RAP1GAP2: variants seen among roughly 807,000 people sequenced by gnomAD.
The protein encoded by RAP1GAP2 is rap1 GTPase-activating protein 2.
A neutral mutation model predicts 95.0 loss-of-function variants in RAP1GAP2; 27 were observed. That is an observed-to-expected ratio of 0.28 (90% CI 0.21 to 0.39). The LOEUF (loss-of-function observed/expected upper bound fraction) is 0.39. RAP1GAP2 is among the 10% of genes least tolerant of loss of function. The probability of loss-of-function intolerance (pLI) is 1.00; values close to 1 mark genes in which losing one functional copy is unlikely to be tolerated. For missense variants in RAP1GAP2, 771 were observed against 970.0 expected (o/e 0.79, Z 2.72); for synonymous variants, 373 against 380.9 (o/e 0.98, Z 0.24).
chr17:2,980,323 G>C lies in RAP1GAP2; in HGVS notation c.633G>C (p.Leu211Phe), dbSNP rs764061946. 1 of 1,613,886 alleles carries C rather than the reference G, an allele frequency of 6.2e-7. No homozygotes were observed. The highest frequency in any genetic ancestry group is 1.1e-5 in the South Asian group (1 of 91,086). ...AGACGGTACATGAGCGGATCCCCTTGGCTGGACTGAGCAAGCTTCCCAGTG... is the reference window on the plus strand; with the variant it reads ...AGACGGTACATGAGCGGATCCCCTTCGCTGGACTGAGCAAGCTTCCCAGTG... ...KLKTVHERIP[L>F]AGLSKLPSVP... Residue 211 changes from leucine (L) to phenylalanine (F), a missense_variant, in exon 9 of 25, where the codon TTG (leucine) becomes TTC (phenylalanine). Leu to Phe is a conservative substitution (Grantham distance 22, BLOSUM62 0). Transcript: ENST00000254695.
rs1473889673 is a variant in RAP1GAP2, at chr17:3,027,531, C to T, written c.2107+461C>T. Among the ~76,000 whole-genome samples the T allele has an allele frequency of 1.3e-5, 2 of 151,992 alleles. No individual in the cohort carries two copies. Among genetic ancestry groups the T allele is most frequent in the Admixed American group, 6.5e-5 (1 of 15,268 alleles). On this transcript the variant is annotated intron_variant, in intron 22 of 24. Transcript: ENST00000254695. The surrounding 1 kb of genome is among the most constrained non-coding windows in gnomAD (Gnocchi z 5.2). ...GAAAGGCCCAGAGGAGAGGAGAGAGCGGGTATTCCGGAACTGCACGTGTTC... is the reference window on the plus strand; with the variant it reads ...GAAAGGCCCAGAGGAGAGGAGAGAGTGGGTATTCCGGAACTGCACGTGTTC...
At chr17:3,012,355 C>A (rs1597870635) in intron 17 of RAP1GAP2, among the ~76,000 whole-genome samples, 1 of 151,790 alleles carries the variant, frequency 6.6e-6, no homozygotes, top group Admixed American at 6.6e-5. Flanking sequence ...CGGTGGCTCA[C>A]GTCTGTAATC....
chr17:2,891,034 A>G (rs1216726461), intron 2 of RAP1GAP2, among the ~76,000 whole-genome samples: 1 of 151,998 alleles, frequency 6.6e-6, no homozygotes, highest in African/African-American at 2.4e-5. Context: ...GTTATGTGAG[A>G]GGGTACCATA....
At chr17:2,813,911 C>G (rs1008428471) in intron 2 of RAP1GAP2, among the ~76,000 whole-genome samples, 1 of 151,762 alleles carries the variant, frequency 6.6e-6, no homozygotes, top group Admixed American at 6.6e-5. Flanking sequence ...TGCAGTGAGC[C>G]GAGATCGCAC....
At chr17:2,886,876 G>C (rs7406606) in intron 2 of RAP1GAP2, among the ~76,000 whole-genome samples, 45,588 of 152,050 alleles carry the variant, frequency 0.3, 7,709 homozygotes, top group Admixed American at 0.43. Flanking sequence ...AATCCCAGCT[G>C]TGCCACTTAC....
intron 3 of RAP1GAP2, among the ~76,000 whole-genome samples, chr17:2,915,603 C>A (rs935809527): frequency 2.3e-4 from 35 of 152,216 alleles, no homozygotes; most frequent in African/African-American, 8.4e-4. Flanking sequence ...ATTATGGACT[C>A]TTTCCTTTTA....
At chr17:2,883,580 T>C (rs182144390) in intron 2 of RAP1GAP2, among the ~76,000 whole-genome samples, 329 of 152,302 alleles carry the variant, frequency 2.2e-3, no homozygotes, top group African/African-American at 7.1e-3. Context: ...CCTCTCCTGT[T>C]TTCTTTTTTT....
At position 2,904,625 on chromosome 17, in the gene RAP1GAP2, C is replaced by T. The variant is rs955118470; in HGVS notation, c.81-659C>T. ...CCGCGTTTCTCCCCTCCTCTTCTCA[C>T]ACCCAGCCCCAGTCCTGGATCTCTT... On this transcript the variant is annotated intron_variant, in intron 2 of 24. Transcript: ENST00000254695. This position sits in a 1 kb window ranked among gnomAD's most constrained non-coding sequence, Gnocchi z 4.7. Among the ~76,000 whole-genome samples the T allele has an allele frequency of 6.7e-6, 1 of 149,534 alleles. No homozygotes were observed. The highest frequency in any genetic ancestry group is 1.5e-5 in the Non-Finnish European group (1 of 67,344).
intron 2 of RAP1GAP2, among the ~76,000 whole-genome samples, chr17:2,889,863 G>A (rs1439253693): frequency 5.0e-5 from 4 of 79,846 alleles, no homozygotes; most frequent in Admixed American, 1.7e-4. Flanking sequence ...TTATGTGTGT[G>A]TATATATATA....
chr17:2,894,984 C>T (rs540929597), intron 2 of RAP1GAP2, among the ~76,000 whole-genome samples: 14 of 152,204 alleles, frequency 9.2e-5, no homozygotes, highest in African/African-American at 3.1e-4. Flanking sequence ...CTTCCTTTGC[C>T]CTCGAGAGAG....
chr17:2,878,162 G>A (rs942993192), intron 2 of RAP1GAP2, among the ~76,000 whole-genome samples: 3 of 152,144 alleles, frequency 2.0e-5, no homozygotes, highest in Non-Finnish European at 2.9e-5. Context: ...TGCCGGCCGG[G>A]GACACACTTA....
At chr17:2,801,636 T>TGC (rs1364342657) in intron 2 of RAP1GAP2, among the ~76,000 whole-genome samples, 9 of 117,420 alleles carry the variant, frequency 7.7e-5, no homozygotes, top group African/African-American at 2.5e-4. Context: ...TGTGTGTGTG[T>TGC]GTGTGTGTGT....
intron 2 of RAP1GAP2, among the ~76,000 whole-genome samples, chr17:2,847,161 A>G (rs1035454380): frequency 6.6e-6 from 1 of 152,162 alleles, no homozygotes; most frequent in East Asian, 1.9e-4. Context: ...GGCGCCCGCC[A>G]CGTTGCCTGG....
upstream of RAP1GAP2, among the ~76,000 whole-genome samples, chr17:2,793,997 G>C (rs1355048332): frequency 6.6e-6 from 1 of 151,550 alleles, no homozygotes. Context: ...TATGTGGGAG[G>C]CTGAGGCAGG....
At chr17:2,801,787 G>A (rs528091177) in intron 2 of RAP1GAP2, among the ~76,000 whole-genome samples, 5 of 152,076 alleles carry the variant, frequency 3.3e-5, no homozygotes, top group Non-Finnish European at 5.9e-5. Context: ...CTCTTGGTCC[G>A]TCTGCTGAGG....
intron 8 of RAP1GAP2, among the ~76,000 whole-genome samples, chr17:2,975,314 A>G (rs2045063718): frequency 6.6e-6 from 1 of 152,234 alleles, no homozygotes. Context: ...GCCTATTACA[A>G]TACCAGCCTA....
At chr17:2,958,110 A>G (rs2044187938) in intron 4 of RAP1GAP2, among the ~76,000 whole-genome samples, 1 of 152,116 alleles carries the variant, frequency 6.6e-6, no homozygotes, top group Non-Finnish European at 1.5e-5. Context: ...CGAGCTGGAA[A>G]GAAGGCCTGA....
chr17:2,936,289 A>G (rs2043309479), intron 3 of RAP1GAP2, among the ~76,000 whole-genome samples: 1 of 105,998 alleles, frequency 9.4e-6, no homozygotes, highest in African/African-American at 3.9e-5. Context: ...CTTAAGTACT[A>G]TTTGTCTCGC....
At chr17:3,025,888 C>G in intron 19 of RAP1GAP2, 120 bp from the exon 20 acceptor site, 2 of 694,658 alleles carry the variant, frequency 2.9e-6, no homozygotes, top group Non-Finnish European at 5.0e-6. Context: ...TGATGCCAGG[C>G]GGGGGCGCTC....
Sources: gnomAD v4.1 joint callset for allele counts (sites outside exome capture counted in the v4.1 genomes callset) on GRCh38, gnomAD v4.1.1 for gene constraint, Gnocchi (gnomAD v3.1) non-coding constraint, MANE v1.5 for transcripts, NCBI Gene and HGNC (gene_info 2026-07-23, HGNC 2026-07-21) for gene names.